The following MAML3 variants were observed in gnomAD, a reference collection of about 807,000 sequenced individuals.
MAML3 encodes the protein mastermind like transcriptional coactivator 3, also known as mastermind-like protein 3.
MAML3 carries 27 observed loss-of-function variants against 101.9 expected under a neutral mutation model. The observed-to-expected ratio is 0.27, with a 90% CI of 0.20 to 0.37. The LOEUF is 0.37. Among genes scored for constraint, MAML3 ranks in the 10% least tolerant of loss-of-function variants. The probability of loss-of-function intolerance (pLI) is 1.00; values close to 1 mark genes in which losing one functional copy is unlikely to be tolerated. For missense variants in MAML3, 1,316 were observed against 1,444.9 expected, an observed-to-expected ratio of 0.91 and a Z score of 1.45; for synonymous variants, 501 against 555.9, an observed-to-expected ratio of 0.90 and a Z score of 1.39.
intron 4 of MAML3, among the ~76,000 whole-genome samples, chr4:139,724,210 C>G (rs1419946973): frequency 6.6e-6 from 1 of 152,174 alleles, no homozygotes. Context: ...GTGGTAGCTA[C>G]TCAAGACCCA....
chr4:140,134,187 T>C lies in MAML3; in HGVS notation c.468+18673A>G, dbSNP rs567577975. 80 of 456,738 alleles carry C rather than the reference T, an allele frequency of 1.8e-4. 2 individuals carry two copies. Among genetic ancestry groups the C allele is most frequent in the South Asian group, 1.2e-3 (80 of 64,578 alleles). 28.3% of individuals were successfully genotyped at this position (456,738 alleles called of 1,614,324 possible). A position where few individuals can be genotyped will look rare whatever the true frequency, so the allele number is the denominator to read the frequency against. ...GCTTCCATTTCTTAAAGGGAGAATA[T>C]GTAGATTGGTCCCCTAACTTAGGAA... is the stretch of plus-strand genomic sequence containing the variant. On this transcript the variant is annotated intron_variant, in intron 1 of 4. Transcript: ENST00000509479.
chr4:139,918,414 C>T (rs758271898), intron 1 of MAML3, among the ~76,000 whole-genome samples: 2 of 152,184 alleles, frequency 1.3e-5, no homozygotes, highest in Non-Finnish European at 2.9e-5. Flanking sequence ...CTTCTCTCCA[C>T]GTGGAACACG....
rs182405050 is a variant in MAML3 at position 139,980,555 on chromosome 4, C to T, written c.469-89588G>A. ...TGTAGTCTGCTCACCCTCTAGATCC[C>T]GGTTAACTTAGGAAGACTCATAAAG... is the stretch of plus-strand genomic sequence containing the variant. On this transcript the variant is annotated intron_variant, in intron 1 of 4. Coordinates refer to ENST00000509479, the MANE Select transcript of MAML3 (RefSeq NM_018717.5). Among the ~76,000 whole-genome samples, 6 of 152,262 alleles carry T rather than the reference C, an allele frequency of 3.9e-5. No homozygotes were observed. The South Asian group carries it at 6.2e-4, about 16-fold the overall frequency.
At chr4:139,794,171 A>G (rs1311133506) in intron 2 of MAML3, 1 of 152,250 alleles carries the variant, frequency 6.6e-6, no homozygotes, top group Admixed American at 6.5e-5. Context: ...ATTCATGTTC[A>G]GTATTCTAGT....
chr4:139,874,568 A>G (rs1732072634), intron 2 of MAML3, among the ~76,000 whole-genome samples: 1 of 152,158 alleles, frequency 6.6e-6, no homozygotes, highest in African/African-American at 2.4e-5. Context: ...TAGACACCAC[A>G]GGCACATAAA....
At position 139,864,923 on chromosome 4, in the gene MAML3, CTTTTTTTTTTTTT is replaced by C. The variant is rs56361332; in HGVS notation, c.2079+24421_2079+24433del. 2.1e-4 allele frequency among the ~76,000 whole-genome samples: 13 copies of C among 62,468 alleles called. 1 individual carries two copies. Among genetic ancestry groups the C allele is most frequent in the Admixed American group, 7.3e-4 (3 of 4,128 alleles). 41.0% of individuals were successfully genotyped at this position (62,468 alleles called of 152,430 possible). On this transcript the variant is annotated intron_variant, in intron 2 of 4. Coordinates refer to ENST00000509479, the MANE Select transcript of MAML3 (RefSeq NM_018717.5). Reference sequence around the variant, plus strand: ...TTAGGAAAATAGTAATGCAAACTTGCTTTTTTTTTTTTTTTTTTTTTTTTTTTTTTGCCACAAA... The same window carrying C: ...TTAGGAAAATAGTAATGCAAACTTGCTTTTTTTTTTTTTTTTTGCCACAAA...
intron 2 of MAML3, among the ~76,000 whole-genome samples, chr4:139,822,549 GTGTTCTCATACTTA>G (rs1442738407): frequency 6.6e-6 from 1 of 152,202 alleles, no homozygotes; most frequent in African/African-American, 2.4e-5. Flanking sequence ...GCCAGGGTAA[GTGTTCTCATACTTA>G]AGAACAGCAT....
At position 139,889,737 on chromosome 4, in the gene MAML3, T is replaced by C; in HGVS notation, c.1699A>G (p.Asn567Asp). The stretch of plus-strand genomic sequence containing the variant: ...ATGTGATTCTGAGGGAGGTAGTTAT[T>C]CATTGTTGTCTTCTGCAGGTTGTTT... ...MANNLQKTTM[N>D]NYLPQNHMNM... The change falls in exon 2 of 5, where the codon AAT becomes GAT. Residue 567 changes from asparagine to aspartate, a missense_variant. Transcript: ENST00000509479. 1 of 1,614,026 alleles carries C rather than the reference T, an allele frequency of 6.2e-7. No individual in the cohort carries two copies.
At chr4:139,782,650 T>C (rs2111081339) in intron 2 of MAML3, among the ~76,000 whole-genome samples, 1 of 152,330 alleles carries the variant, frequency 6.6e-6, no homozygotes, top group African/African-American at 2.4e-5. Context: ...TTGGTTGTCC[T>C]GTAATGAATG....
chr4:140,054,339 G>A (rs187758412), intron 1 of MAML3, among the ~76,000 whole-genome samples: 55 of 140,282 alleles, frequency 3.9e-4, no homozygotes, highest in East Asian at 1.2e-3. Flanking sequence ...ACTGCACTGC[G>A]ACCTGGGCAA....
At chr4:140,087,002 A>G (rs1036587084) in intron 1 of MAML3, among the ~76,000 whole-genome samples, 1 of 152,176 alleles carries the variant, frequency 6.6e-6, no homozygotes, top group Admixed American at 6.5e-5. Context: ...TCTACTAAAA[A>G]TACAAAACTT....
intron 1 of MAML3, among the ~76,000 whole-genome samples, chr4:140,050,406 T>G (rs1020232718): frequency 2.0e-5 from 3 of 151,846 alleles, no homozygotes; most frequent in African/African-American, 7.2e-5. Context: ...AGCCCAACAC[T>G]CTGGAGGGCA....
intron 2 of MAML3, among the ~76,000 whole-genome samples, chr4:139,780,601 C>A (rs892963864): frequency 1.3e-5 from 2 of 150,644 alleles, no homozygotes; most frequent in African/African-American, 4.9e-5. Flanking sequence ...GTGCATGGGT[C>A]GCCCATTTCT....
chr4:140,127,699 C>T (rs1339468659), intron 1 of MAML3, among the ~76,000 whole-genome samples: 1 of 152,152 alleles, frequency 6.6e-6, no homozygotes, highest in African/African-American at 2.4e-5. Flanking sequence ...GGATCCAGAA[C>T]TTTACTGAAA....
chr4:139,787,244 C>G (rs946690474), intron 2 of MAML3, among the ~76,000 whole-genome samples: 1 of 152,252 alleles, frequency 6.6e-6, no homozygotes, highest in Admixed American at 6.5e-5. Context: ...AGTTCTGTGC[C>G]CCTTAATCAA....
At chr4:140,145,738 G>A (rs183439983) in intron 1 of MAML3, among the ~76,000 whole-genome samples, 1 of 152,006 alleles carries the variant, frequency 6.6e-6, no homozygotes, top group Admixed American at 6.6e-5. Flanking sequence ...GCTAATTTTT[G>A]TATTTTTCGT....
intron 1 of MAML3, among the ~76,000 whole-genome samples, chr4:140,080,888 A>G (rs1727850891): frequency 6.6e-6 from 1 of 152,264 alleles, no homozygotes; most frequent in Non-Finnish European, 1.5e-5. Context: ...GTATATAAAA[A>G]GAAATTCTGA....
chr4:139,832,572 T>C (rs947690310), intron 2 of MAML3, among the ~76,000 whole-genome samples: 1 of 152,222 alleles, frequency 6.6e-6, no homozygotes, highest in South Asian at 2.1e-4. Flanking sequence ...TCTTCCCAAC[T>C]TCGTTCTTCC....
intron 1 of MAML3, among the ~76,000 whole-genome samples, chr4:140,069,082 A>G (rs911082885): frequency 6.6e-6 from 1 of 152,178 alleles, no homozygotes; most frequent in African/African-American, 2.4e-5. Context: ...TAGAAAAATC[A>G]GGTTTTCTAA....
Sources: gnomAD v4.1 joint callset for allele counts (sites outside exome capture counted in the v4.1 genomes callset) on GRCh38, gnomAD v4.1.1 for gene constraint, MANE v1.5 for transcripts, NCBI Gene and HGNC (gene_info 2026-07-23, HGNC 2026-07-21) for gene names.